KLHL1: variants seen among roughly 807,000 people sequenced by gnomAD.
KLHL1 encodes kelch-like protein 1.
A neutral mutation model predicts 77.7 loss-of-function variants in KLHL1; 47 were observed. The ratio of observed to expected loss-of-function variants is 0.60; its 90% CI spans 0.48 to 0.77. KLHL1 has a LOEUF of 0.77. Ranked by LOEUF, KLHL1 falls within the 30% of genes least tolerant of loss-of-function variation. KLHL1 has a pLI of 0.00. For missense variants in KLHL1, 925 were observed against 910.8 expected, an observed-to-expected ratio of 1.02 and a Z score of -0.20; for synonymous variants, 360 against 325.2, an observed-to-expected ratio of 1.11 and a Z score of -1.15.
At chr13:70,015,225 T>C (rs1885628497) in intron 1 of KLHL1, among the ~76,000 whole-genome samples, 1 of 152,188 alleles carries the variant, frequency 6.6e-6, no homozygotes, top group Non-Finnish European at 1.5e-5. Flanking sequence ...ACCTATTGTG[T>C]ATAGCCTACT....
At chr13:69,973,640 C>T (rs986516721) in intron 2 of KLHL1, among the ~76,000 whole-genome samples, 1 of 151,698 alleles carries the variant, frequency 6.6e-6, no homozygotes, top group Non-Finnish European at 1.5e-5. Flanking sequence ...GCTAGTTTTG[C>T]GTTAATTACA....
intron 4 of KLHL1, among the ~76,000 whole-genome samples, chr13:69,919,339 T>G (rs1882555541): frequency 6.6e-6 from 1 of 152,176 alleles, no homozygotes; most frequent in South Asian, 2.1e-4. Flanking sequence ...ATACAGAGAT[T>G]TGTATCTGGG....
chr13:69,888,889 A>T, intron 4 of KLHL1, among the ~76,000 whole-genome samples: 1 of 152,036 alleles, frequency 6.6e-6, no homozygotes, highest in East Asian at 1.9e-4. Flanking sequence ...CCATCTTTAA[A>T]ATAAGAATTT....
intron 5 of KLHL1, among the ~76,000 whole-genome samples, chr13:69,857,395 A>G (rs1365875137): frequency 6.6e-6 from 1 of 152,072 alleles, no homozygotes; most frequent in Non-Finnish European, 1.5e-5. Flanking sequence ...GTAGTCGCAC[A>G]TATTTATTTC....
chr13:69,745,657 C>T lies in KLHL1; in HGVS notation c.1640-5101G>A, dbSNP rs145209433. 3.0e-3 allele frequency among the ~76,000 whole-genome samples: 455 copies of T among 151,702 alleles called. 1 individual carries two copies. Among genetic ancestry groups the T allele is most frequent in the Middle Eastern group, 0.01 (3 of 290 alleles). ...ATAGGATTAAATATAAAAATTAAAA[C>T]AATAAACTTTTCAGAATATAATGGA... On this transcript the variant is annotated intron_variant, in intron 7 of 10. Coordinates refer to ENST00000377844, the MANE Select transcript of KLHL1 (RefSeq NM_020866.3).
chr13:70,006,546 T>G (rs1020876989), intron 1 of KLHL1, among the ~76,000 whole-genome samples: 1 of 151,154 alleles, frequency 6.6e-6, no homozygotes, highest in Non-Finnish European at 1.5e-5. Flanking sequence ...TTTGTATTAG[T>G]TATTTGTTAA....
intron 1 of KLHL1, among the ~76,000 whole-genome samples, chr13:70,052,174 A>T (rs998987624): frequency 6.6e-6 from 1 of 151,928 alleles, no homozygotes; most frequent in Non-Finnish European, 1.5e-5. Flanking sequence ...TTGTTTGTTA[A>T]TCAGAACCGG....
At chr13:70,062,995 T>G (rs554995921) in intron 1 of KLHL1, among the ~76,000 whole-genome samples, 2 of 152,168 alleles carry the variant, frequency 1.3e-5, no homozygotes, top group Non-Finnish European at 2.9e-5. Context: ...CCTTTTTCAC[T>G]TAACCTTTCC....
intron 1 of KLHL1, among the ~76,000 whole-genome samples, chr13:70,105,777 T>C (rs1047778483): frequency 2.6e-5 from 4 of 151,084 alleles, no homozygotes; most frequent in Middle Eastern, 8.1e-3. Context: ...GTATTCATAG[T>C]ACCTAACGTT....
intron 5 of KLHL1, among the ~76,000 whole-genome samples, chr13:69,874,407 T>C (rs1312293504): frequency 2.0e-5 from 3 of 152,166 alleles, no homozygotes; most frequent in Admixed American, 2.0e-4. Flanking sequence ...CTACAACTCC[T>C]GAATGATGCA....
chr13:69,953,050 A>G (rs1883760793), intron 3 of KLHL1, among the ~76,000 whole-genome samples: 1 of 151,418 alleles, frequency 6.6e-6, no homozygotes, highest in Non-Finnish European at 1.5e-5. Context: ...AAAGTTGAAT[A>G]CTGTGAGGCA....
At chr13:70,080,555 GTTGT>G (rs1487183444) in intron 1 of KLHL1, among the ~76,000 whole-genome samples, 2 of 151,866 alleles carry the variant, frequency 1.3e-5, no homozygotes, top group African/African-American at 4.8e-5. Flanking sequence ...GTTAGATTTG[GTTGT>G]TTATTGTTCT....
Position 69,932,960 on chromosome 13 carries a change from A to G in KLHL1, c.1014+7080T>C, listed in dbSNP as rs191815863. Among the ~76,000 whole-genome samples the G allele has an allele frequency of 1.8e-3, 278 of 152,124 alleles. 1 individual carries two copies. The highest frequency in any genetic ancestry group is 3.3e-3 in the Non-Finnish European group (225 of 67,932). On this transcript the variant is annotated intron_variant, in intron 4 of 10. Transcript: ENST00000377844. ...CCATAAAAAAAGAGTTCTCCATCTA[A>G]TTCAGGGACAAAGAATGTTAAGAAA...
rs71196263 is a variant in KLHL1 at position 69,764,929 on chromosome 13, C to CTTTTTTTTTTTTTTTTTTTTT, written c.1640-24394_1640-24374dup. ...TCTCATGCTTTCATGTATATCTTTG[C>CTTTTTTTTTTTTTTTTTTTTT]TTTTTTTTTTTTTTTTTTTTTTTTT... On this transcript the variant is annotated intron_variant, in intron 7 of 10. Transcript: ENST00000377844. Among the ~76,000 whole-genome samples, 81 of 39,722 alleles carry CTTTTTTTTTTTTTTTTTTTTT rather than the reference C, an allele frequency of 2.0e-3. 28 individuals are homozygous for CTTTTTTTTTTTTTTTTTTTTT. Among genetic ancestry groups the CTTTTTTTTTTTTTTTTTTTTT allele is most frequent in the Non-Finnish European group, 2.7e-3 (61 of 22,400 alleles). 26.1% of individuals were successfully genotyped at this position (39,722 alleles called of 152,430 possible).
intron 4 of KLHL1, among the ~76,000 whole-genome samples, chr13:69,923,687 T>C (rs138964920): frequency 1.3e-5 from 2 of 152,224 alleles, no homozygotes; most frequent in East Asian, 3.9e-4. Context: ...TGAGAGACAA[T>C]ATAGTACTGA....
chr13:69,886,095 A>G (rs1334294214), intron 4 of KLHL1, among the ~76,000 whole-genome samples: 1 of 152,192 alleles, frequency 6.6e-6, no homozygotes, highest in African/African-American at 2.4e-5. Context: ...GAGGTAGTCT[A>G]AAACTTTGAT....
intron 1 of KLHL1, among the ~76,000 whole-genome samples, chr13:70,104,328 GT>G (rs1887995059): frequency 6.6e-6 from 1 of 152,054 alleles, no homozygotes; most frequent in Admixed American, 6.6e-5. Context: ...ATTTAGTAAG[GT>G]AAGAAAAAGG....
At chr13:69,993,135 C>G (rs1885066796) in intron 1 of KLHL1, among the ~76,000 whole-genome samples, 1 of 152,054 alleles carries the variant, frequency 6.6e-6, no homozygotes, top group Non-Finnish European at 1.5e-5. Context: ...CCCCTATTGA[C>G]TTCAATAGGA....
chr13:69,900,170 C>T (rs997628438), intron 4 of KLHL1, among the ~76,000 whole-genome samples: 2 of 152,070 alleles, frequency 1.3e-5, no homozygotes, highest in Non-Finnish European at 2.9e-5. Flanking sequence ...TCAATAACAT[C>T]GAATTGCCTA....
Sources: allele counts gnomAD v4.1 joint callset (sites outside exome capture counted in the v4.1 genomes callset), GRCh38; gene constraint gnomAD v4.1.1; transcripts MANE v1.5; gene names NCBI Gene and HGNC (gene_info 2026-07-23, HGNC 2026-07-21).